Variants in COL4A4 observed in about 807,000 individuals in gnomAD.
COL4A4 encodes collagen alpha-4(IV) chain.
COL4A4 carries 105 observed loss-of-function variants against 192.9 expected under a neutral mutation model. That is an observed-to-expected ratio of 0.54 (90% confidence interval 0.46 to 0.64). The LOEUF (loss-of-function observed/expected upper bound fraction) is 0.64. Ranked by LOEUF, COL4A4 falls within the 30% of genes least tolerant of loss-of-function variation. The probability of loss-of-function intolerance (pLI) is 0.00; values close to 1 mark genes in which losing one functional copy is unlikely to be tolerated. For synonymous variants in COL4A4, 762 were observed against 769.9 expected (o/e 0.99, Z 0.17); for missense variants, 1,967 against 2,169.3 (o/e 0.91, Z 1.85).
At chr2:227,126,632 T>C (rs1401325761) in intron 4 of COL4A4, among the ~76,000 whole-genome samples, 1 of 152,368 alleles carries the variant, frequency 6.6e-6, no homozygotes. Context: ...TTTTTTTGTA[T>C]TTTAATAAGT....
At chr2:227,080,414 T>C (rs764559187) in intron 24 of COL4A4, 29 bp downstream of exon 24, 1 of 1,581,102 alleles carries the variant, frequency 6.3e-7, no homozygotes, top group Non-Finnish European at 8.7e-7. Context: ...GAAAGTGAAA[T>C]TCTATAGCAA....
intron 3 of COL4A4, among the ~76,000 whole-genome samples, chr2:227,141,761 G>A (rs1195489019): frequency 6.6e-6 from 1 of 151,974 alleles, no homozygotes; most frequent in Non-Finnish European, 1.5e-5. Context: ...TTTGAGTAAT[G>A]TTGTTATCTA....
At chr2:227,045,973 G>GTA (rs1329986732) in intron 35 of COL4A4, among the ~76,000 whole-genome samples, 10 of 41,640 alleles carry the variant, frequency 2.4e-4, no homozygotes, top group African/African-American at 1.1e-3. Context: ...ATATTTATAT[G>GTA]TGTATATGTA....
intron 1 of COL4A4, among the ~76,000 whole-genome samples, chr2:227,158,390 T>C (rs907918299): frequency 6.6e-6 from 1 of 151,926 alleles, no homozygotes; most frequent in South Asian, 2.1e-4. Context: ...GAAGAAAACA[T>C]AGGAGAAAAT....
At chr2:227,047,065 G>GAA (rs1973041997) in intron 35 of COL4A4, among the ~76,000 whole-genome samples, 1 of 152,062 alleles carries the variant, frequency 6.6e-6, no homozygotes, top group Non-Finnish European at 1.5e-5. Flanking sequence ...TAGAAAGAAA[G>GAA]AGCTGGAATG....
chr2:227,162,601 T>C (rs187986576), intron 1 of COL4A4, among the ~76,000 whole-genome samples: 11 of 152,342 alleles, frequency 7.2e-5, no homozygotes, highest in Non-Finnish European at 1.6e-4. Context: ...TTCCGCAGTG[T>C]TCCCAAGTTG....
chr2:227,047,594 T>C (rs764716809), intron 34 of COL4A4, 45 bp from the exon 35 acceptor site: 4 of 1,351,800 alleles, frequency 3.0e-6, no homozygotes, highest in Admixed American at 1.7e-5. Context: ...GACAATTTAA[T>C]TTGGTCTCAT....
At chr2:227,025,772 G>T in intron 43 of COL4A4, 30 bp downstream of exon 43, 1 of 1,604,574 alleles carries the variant, frequency 6.2e-7, no homozygotes, top group Non-Finnish European at 8.5e-7. Context: ...CAGAGTGAGG[G>T]GAAATTACCA....
rs1215870287 is a variant in COL4A4 at position 227,045,915 on chromosome 2, GTATATGTATATGTATATATGTA to G, written c.3289+1538_3289+1559del. 6.8e-5 allele frequency among the ~76,000 whole-genome samples: 2 copies of G among 29,516 alleles called. 1 individual carries two copies. Among genetic ancestry groups the G allele is most frequent in the African/African-American group, 3.8e-4 (2 of 5,308 alleles). The allele number at this position is 29,516 out of a possible 152,430, so 19.4% of individuals were successfully genotyped here. A position where few individuals can be genotyped will look rare whatever the true frequency, so the allele number is the denominator to read the frequency against. ...ATATTTAGATAGTATATATATGTAT[GTATATGTATATGTATATATGTA>G]TATATGTATATATGTATATATGTAT... is the stretch of plus-strand genomic sequence containing the variant. On this transcript the variant is annotated intron_variant, in intron 35 of 47. Transcript: ENST00000396625.
chr2:227,108,802 C>A (rs1294146063), intron 11 of COL4A4, 31 bp downstream of exon 11: 1 of 1,607,868 alleles, frequency 6.2e-7, no homozygotes, highest in African/African-American at 1.3e-5. Flanking sequence ...GTTCAGGGCT[C>A]TATTGATGTA....
At chr2:227,056,639 A>G (rs1352140468) in intron 29 of COL4A4, among the ~76,000 whole-genome samples, 2 of 152,286 alleles carry the variant, frequency 1.3e-5, no homozygotes, top group Non-Finnish European at 2.9e-5. Context: ...AATGAAGATC[A>G]TATTGAAAAT....
chr2:227,141,247 G>A (rs760090972), intron 3 of COL4A4, among the ~76,000 whole-genome samples: 3 of 152,200 alleles, frequency 2.0e-5, no homozygotes, highest in African/African-American at 7.2e-5. Context: ...TGGCCTAGCT[G>A]TCATTGCAAC....
intron 9 of COL4A4, among the ~76,000 whole-genome samples, chr2:227,111,069 G>A (rs564731739): frequency 3.9e-5 from 6 of 152,232 alleles, no homozygotes; most frequent in Admixed American, 6.5e-5. Context: ...GGCGGCCCTC[G>A]GTGCCCCTAC....
rs1278962361 is a variant in COL4A4 at position 227,066,543 on chromosome 2, G to A, written c.1988-3945C>T. Among the ~76,000 whole-genome samples the A allele has an allele frequency of 2.0e-5, 3 of 152,182 alleles. No homozygotes were observed. The East Asian group carries it at 5.8e-4, about 29-fold the overall frequency. On this transcript the variant is annotated intron_variant, in intron 25 of 47. Coordinates refer to ENST00000396625, the MANE Select transcript of COL4A4 (RefSeq NM_000092.5). The stretch of plus-strand genomic sequence containing the variant: ...TCGGCAGAAACTCTACAAGCCAGAA[G>A]AGAGTGGGGGCCAATATTCAACATT...
In COL4A4 at chr2:227,088,572, G is replaced by A. The variant is rs1043210463; in HGVS notation, c.1623+81C>T. ...TCCTTAATAAATTACCTAGTCTTGG[G>A]TAGTATCTTTATGGTAGTGTGAAAA... is the stretch of plus-strand genomic sequence containing the variant. On this transcript the variant is annotated intron_variant, in intron 22 of 47. Transcript: ENST00000396625. 6 of 1,528,584 alleles carry A rather than the reference G, an allele frequency of 3.9e-6. No individual in the cohort carries two copies. The East Asian group carries it at 9.0e-5, about 23-fold the overall frequency. 94.7% of individuals were successfully genotyped at this position (1,528,584 alleles called of 1,614,324 possible).
At chr2:226,988,657 G>T in the COL4A4 span, 2 of 985,046 alleles carry the variant, frequency 2.0e-6, no homozygotes, top group African/African-American at 1.7e-5. Context: ...AGGAAGGTAG[G>T]ATTTTAATAT....
At chr2:227,044,510 T>G (rs2150114004) in intron 35 of COL4A4, among the ~76,000 whole-genome samples, 1 of 152,324 alleles carries the variant, frequency 6.6e-6, no homozygotes, top group Middle Eastern at 3.4e-3. Context: ...GTTCCCTGAT[T>G]GAATTTAACA....
intron 19 of COL4A4, among the ~76,000 whole-genome samples, chr2:227,094,603 A>G (rs968941930): frequency 1.3e-5 from 2 of 152,182 alleles, no homozygotes; most frequent in African/African-American, 2.4e-5. Context: ...ATGCAAGATA[A>G]ATAAGTTCCA....
intron 12 of COL4A4, among the ~76,000 whole-genome samples, chr2:227,105,218 G>C (rs2060772739): frequency 9.0e-6 from 1 of 110,660 alleles, no homozygotes; most frequent in East Asian, 2.8e-4. Context: ...TTGAGACAGA[G>C]TGTTCTCTGT....
Sources: gnomAD v4.1 joint callset for allele counts (sites outside exome capture counted in the v4.1 genomes callset) on GRCh38, gnomAD v4.1.1 for gene constraint, MANE v1.5 for transcripts, NCBI Gene and HGNC (gene_info 2026-07-23, HGNC 2026-07-21) for gene names.